TCF25: variants seen among roughly 807,000 people sequenced by gnomAD.
TCF25 encodes the protein TCF25 ribosome quality control complex subunit.
Under a neutral mutation model 83.1 loss-of-function variants are expected in TCF25, and 41 were observed. The observed-to-expected ratio is 0.49, with a 90% CI of 0.38 to 0.64. TCF25 has a LOEUF of 0.64. Among genes scored for constraint, TCF25 ranks in the 30% least tolerant of loss-of-function variants. TCF25 has a pLI of 0.00. For synonymous variants in TCF25, 458 were observed against 365.0 expected (o/e 1.25, Z -2.90); for missense variants, 979 against 914.5 (o/e 1.07, Z -0.91).
intron 4 of TCF25, among the ~76,000 whole-genome samples, chr16:89,886,894 G>A (rs1417752263): frequency 6.6e-6 from 1 of 152,166 alleles, no homozygotes; most frequent in East Asian, 1.9e-4. Flanking sequence ...CCGAGATCGA[G>A]ATCGCGCCAC....
chr16:89,909,060 CTT>C, intron 16 of TCF25: 1 of 1,289,530 alleles, frequency 7.8e-7, no homozygotes, highest in Non-Finnish European at 1.0e-6. Flanking sequence ...TGTACAAGCG[CTT>C]GCGTGTCGGC....
intron 3 of TCF25, among the ~76,000 whole-genome samples, chr16:89,885,044 C>T (rs1597291738): frequency 1.1e-5 from 1 of 87,532 alleles, no homozygotes; most frequent in African/African-American, 5.6e-5. Context: ...TGCCTGACGC[C>T]CCTCTCCCTC....
chr16:89,911,053 C>T, intron 17 of TCF25, 27 bp from the exon 18 acceptor site: 2 of 1,608,642 alleles, frequency 1.2e-6, no homozygotes, highest in South Asian at 1.1e-5. Context: ...AGACAGCCCC[C>T]TTCTCAGACA....
At chr16:89,884,108 A>G (rs1000269034) in intron 2 of TCF25, 5 of 172,274 alleles carry the variant, frequency 2.9e-5, no homozygotes, top group South Asian at 1.2e-4. Context: ...TGGGAGGGCA[A>G]CATACATGTG....
Position 89,883,478 on chromosome 16 carries a change from A to T in TCF25, c.320A>T (p.Asp107Val), listed in dbSNP as rs763592630. The change falls in exon 2 of 18, where the codon GAT becomes GTT. Residue 107 changes from aspartate (D) to valine (V), a missense_variant. Transcript: ENST00000263346. ...CGTGGAAACACAGAGAGCAAGACGGATGGAGATGACACCGAGACAGTGCCC... is the reference window on the plus strand; with the variant it reads ...CGTGGAAACACAGAGAGCAAGACGGTTGGAGATGACACCGAGACAGTGCCC... The part of the protein sequence containing the change: ...GQRGNTESKT[D>V]GDDTETVPSE... 1 of 1,612,978 alleles carries T rather than the reference A, an allele frequency of 6.2e-7. No homozygotes were observed. Among genetic ancestry groups the T allele is most frequent in the Admixed American group, 1.7e-5 (1 of 59,852 alleles).
At chr16:89,909,695 A>T (rs528395509) in intron 16 of TCF25, 1 of 146,020 alleles carries the variant, frequency 6.8e-6, no homozygotes, top group Non-Finnish European at 1.5e-5. Flanking sequence ...AAAAAAAAAA[A>T]TCCTCCAGTA....
Position 89,906,219 on chromosome 16 carries a change from C to A in TCF25, c.1654C>A (p.Pro552Thr), listed in dbSNP as rs1783237585. 2 of 1,613,440 alleles carry A rather than the reference C, an allele frequency of 1.2e-6. No homozygotes were observed. Among genetic ancestry groups the A allele is most frequent in the African/African-American group, 2.7e-5 (2 of 75,060 alleles). The stretch of plus-strand genomic sequence containing the variant: ...GCGGAAGGTGCTCTACCAGCGTGCA[C>A]CCAGGAATATCCACCGCCATGTGAT... ...NRRKVLYQRA[P>T]RNIHRHVILS... is the part of the protein sequence containing the mutation. The change falls in exon 15 of 18, where the codon CCC becomes ACC. Residue 552 changes from proline (P) to threonine (T), a missense_variant. Transcript: ENST00000263346.
chr16:89,896,193 G>A (rs994256458), intron 9 of TCF25, 110 bp downstream of exon 9: 10 of 955,722 alleles, frequency 1.0e-5, no homozygotes, highest in African/African-American at 1.6e-5. Flanking sequence ...GTGGACCAGG[G>A]CCCACAGGTC....
At position 89,910,765 on chromosome 16, in the gene TCF25, G is replaced by A. The variant is rs1350855475; in HGVS notation, c.1872+102G>A. 5 of 1,346,778 alleles carry A rather than the reference G, an allele frequency of 3.7e-6. No homozygotes were observed. In the South Asian group the frequency reaches 4.8e-5, roughly 13 times the overall value. 83.4% of individuals were successfully genotyped at this position (1,346,778 alleles called of 1,614,324 possible). On this transcript the variant is annotated intron_variant, in intron 17 of 17. Transcript: ENST00000263346. Reference sequence around the variant, plus strand: ...TCCTTGAACCAGGACTGTGCCAGCCGGCACAGGGAGCAGGGAAGGACCAAG... The same window carrying A: ...TCCTTGAACCAGGACTGTGCCAGCCAGCACAGGGAGCAGGGAAGGACCAAG...
At chr16:89,887,524 G>A in intron 4 of TCF25, 128 bp from the exon 5 acceptor site, 1 of 783,200 alleles carries the variant, frequency 1.3e-6, no homozygotes, top group Non-Finnish European at 1.9e-6. Flanking sequence ...TTAGAGAAAG[G>A]CCTGGAAGCT....
At chr16:89,900,944 A>G in intron 12 of TCF25, 150 bp downstream of exon 12, 9 of 936,420 alleles carry the variant, frequency 9.6e-6, no homozygotes, top group Non-Finnish European at 1.3e-5. Context: ...CTGCCCTACC[A>G]AACCTGAAAG....
At chr16:89,894,924 C>T (rs944407676) in intron 7 of TCF25, 114 bp from the exon 8 acceptor site, 4 of 809,414 alleles carry the variant, frequency 4.9e-6, no homozygotes, top group East Asian at 2.8e-5. Flanking sequence ...GGATTACAGG[C>T]GTGAGCCACT....
chr16:89,900,506 G>A, intron 11 of TCF25, 129 bp from the exon 12 acceptor site: 10 of 1,019,000 alleles, frequency 9.8e-6, no homozygotes, highest in Admixed American at 2.6e-5. Context: ...TTAGGAAGAG[G>A]CCCTTGCGTT....
chr16:89,897,026 C>T (rs1000821470), intron 9 of TCF25, among the ~76,000 whole-genome samples: 9 of 148,272 alleles, frequency 6.1e-5, no homozygotes, highest in South Asian at 2.1e-4. Flanking sequence ...GACCTTGTCT[C>T]TCAAAAAAAA....
rs766833666 is a variant in TCF25, at chr16:89,910,636, G to A, written c.1845G>A (p.Arg615=). ...SHGNTIALFF[R]SLLPNYTMEG... ...GAAACACCATTGCTCTCTTCTTCCG[G>A]TCACTGTTGCCAAACTATACCATGG... The change falls in exon 17 of 18, where the codon CGG becomes CGA. Residue 615 remains arginine (R), a synonymous_variant. Transcript: ENST00000263346. 13 of 1,613,624 alleles carry A rather than the reference G, an allele frequency of 8.1e-6. No homozygotes were observed. The highest frequency in any genetic ancestry group is 1.0e-5 in the Non-Finnish European group (12 of 1,179,968).
chr16:89,902,916 C>T (rs1007826724), intron 12 of TCF25, among the ~76,000 whole-genome samples: 3 of 152,200 alleles, frequency 2.0e-5, no homozygotes, highest in Admixed American at 6.5e-5. Flanking sequence ...GTCTGGGCCC[C>T]GAGGAGGCCC....
intron 1 of TCF25, among the ~76,000 whole-genome samples, chr16:89,875,659 A>G (rs970800689): frequency 2.6e-4 from 39 of 151,114 alleles, no homozygotes; most frequent in Admixed American, 1.3e-3. Flanking sequence ...AGTAGCTGGG[A>G]ACACAGGCGC....
rs374155350 is a variant in TCF25 at position 89,899,016 on chromosome 16, G to T, written c.1221+144G>T. On this transcript the variant is annotated intron_variant, in intron 11 of 17. Transcript: ENST00000263346. The stretch of plus-strand genomic sequence containing the variant: ...GGGCAGAACCACGTCCTCCTGCCTT[G>T]TTTGTCTCCCTTGCCGCCTCTACGG... 161 of 793,656 alleles carry T rather than the reference G, an allele frequency of 2.0e-4. 2 individuals carry two copies. The highest frequency in any genetic ancestry group is 1.1e-3 in the East Asian group (41 of 37,250). The allele number at this position is 793,656 out of a possible 1,614,324, so 49.2% of individuals were successfully genotyped here.
At chr16:89,899,355 C>T (rs992785101) in intron 11 of TCF25, among the ~76,000 whole-genome samples, 2 of 152,144 alleles carry the variant, frequency 1.3e-5, no homozygotes, top group Non-Finnish European at 2.9e-5. Context: ...AACACAGACA[C>T]GTGTTGGAAT....
Sources: allele counts gnomAD v4.1 joint callset (sites outside exome capture counted in the v4.1 genomes callset), GRCh38; gene constraint gnomAD v4.1.1; transcripts MANE v1.5; gene names NCBI Gene and HGNC (gene_info 2026-07-23, HGNC 2026-07-21).